The following TRPC5 variants were observed in gnomAD, a reference collection of about 807,000 sequenced individuals.
The protein encoded by TRPC5 is transient receptor potential cation channel subfamily C member 5, also known as short transient receptor potential channel 5.
In TRPC5, 9 loss-of-function variants were observed where a neutral mutation model predicts 56.5. The observed-to-expected ratio is 0.16, with a 90% CI of 0.10 to 0.28. TRPC5 has a LOEUF of 0.28. TRPC5 is among the 10% of genes least tolerant of loss of function. The pLI is 1.00. For missense variants in TRPC5, 469 were observed against 748.9 expected, an observed-to-expected ratio of 0.63 and a Z score of 4.36; for synonymous variants, 282 against 278.5, an observed-to-expected ratio of 1.01 and a Z score of -0.13.
At chrX:111,784,882 T>C (rs1006035239) in intron 7 of TRPC5, among the ~76,000 whole-genome samples, 3 of 112,385 alleles carry the variant, frequency 2.7e-5, no homozygotes, top group Middle Eastern at 4.6e-3. Context: ...GGGTCCACCA[T>C]TGAGGCTTGA....
intron 3 of TRPC5, among the ~76,000 whole-genome samples, chrX:111,867,585 C>G (rs1158821067): frequency 2.7e-5 from 3 of 111,925 alleles, no homozygotes; most frequent in Non-Finnish European, 5.6e-5. Context: ...ATCAGTGACT[C>G]AGCCTTCTTA....
chrX:111,966,448 A>G (rs1927581154), intron 1 of TRPC5, among the ~76,000 whole-genome samples: 1 of 112,087 alleles, frequency 8.9e-6, no homozygotes, highest in African/African-American at 3.2e-5. Context: ...CAATCAATCG[A>G]AAAAGAGGGA....
intron 1 of TRPC5, among the ~76,000 whole-genome samples, chrX:112,028,372 C>T (rs983579843): frequency 9.0e-6 from 1 of 111,001 alleles, no homozygotes; most frequent in Non-Finnish European, 1.9e-5. Flanking sequence ...GTTTGCTGCA[C>T]GCATCAACTC....
intron 3 of TRPC5, among the ~76,000 whole-genome samples, chrX:111,893,079 G>GT (rs79584045): frequency 0.041 from 3,623 of 87,998 alleles, 182 homozygotes; most frequent in African/African-American, 0.13. Flanking sequence ...CAAATATAGG[G>GT]TTTTTTTTTT....
intron 2 of TRPC5, among the ~76,000 whole-genome samples, chrX:111,935,479 T>C (rs2148630010): frequency 8.9e-6 from 1 of 112,143 alleles, no homozygotes; most frequent in African/African-American, 3.2e-5. Flanking sequence ...TGTCATGTGA[T>C]CCAATTTGTC....
chrX:111,824,982 C>G (rs886530115), intron 7 of TRPC5, among the ~76,000 whole-genome samples: 6 of 111,117 alleles, frequency 5.4e-5, no homozygotes, highest in African/African-American at 2.0e-4. Context: ...CAAATTTGAC[C>G]AATTCTTCAA....
intron 1 of TRPC5, among the ~76,000 whole-genome samples, chrX:112,077,055 G>A (rs945163615): frequency 9.0e-6 from 1 of 111,147 alleles, no homozygotes; most frequent in Non-Finnish European, 1.9e-5. Context: ...TGCATTATAC[G>A]GTCTTATTTA....
At chrX:111,939,486 A>C (rs758934467) in intron 2 of TRPC5, among the ~76,000 whole-genome samples, 1 of 111,706 alleles carries the variant, frequency 9.0e-6, no homozygotes, top group South Asian at 3.7e-4. Context: ...TCTTCTTCAA[A>C]TGTTTGGTAA....
rs147359705 is a variant in TRPC5 at position 111,958,257 on chromosome X, C to A, written c.-21-5816G>T. 4.8e-3 allele frequency among the ~76,000 whole-genome samples: 543 copies of A among 112,168 alleles called. 5 individuals are homozygous for A. The highest frequency in any genetic ancestry group is 0.016 in the African/African-American group (510 of 30,944). On this transcript the variant is annotated intron_variant, in intron 1 of 10. Coordinates refer to ENST00000262839, the MANE Select transcript of TRPC5 (RefSeq NM_012471.3). ...CAAGACCACGCTTTCAAGCCCCACA[C>A]ATGTCATTCTACATCTCACTATCCT...
At chrX:111,868,737 A>G (rs149761156) in intron 3 of TRPC5, among the ~76,000 whole-genome samples, 1,222 of 111,846 alleles carry the variant, frequency 0.011, 25 homozygotes, top group African/African-American at 0.038. Context: ...GAAGGTGAGG[A>G]TCAGGAAGAA....
At chrX:111,879,415 GCTGAA>G (rs767097781) in intron 3 of TRPC5, among the ~76,000 whole-genome samples, 1 of 112,071 alleles carries the variant, frequency 8.9e-6, no homozygotes, top group Non-Finnish European at 1.9e-5. Context: ...TGTGGGTTAA[GCTGAA>G]CTAGGAGTGA....
intron 2 of TRPC5, among the ~76,000 whole-genome samples, chrX:111,943,268 T>G (rs1403559627): frequency 8.9e-6 from 1 of 112,061 alleles, no homozygotes; most frequent in African/African-American, 3.2e-5. Context: ...GGATGACTTT[T>G]ATAATTTTCT....
At chrX:112,035,648 T>C (rs184009838) in intron 1 of TRPC5, among the ~76,000 whole-genome samples, 1 of 109,994 alleles carries the variant, frequency 9.1e-6, no homozygotes, top group African/African-American at 3.3e-5. Context: ...TATTTATTTT[T>C]TGAGATGGAG....
At chrX:111,952,581 G>C (rs1927123918) in intron 1 of TRPC5, 140 bp from the exon 2 acceptor site, 8 of 624,711 alleles carry the variant, frequency 1.3e-5, no homozygotes, top group Non-Finnish European at 1.9e-5. Flanking sequence ...CGCTTACAAA[G>C]AAGTATAACA....
intron 7 of TRPC5, among the ~76,000 whole-genome samples, chrX:111,804,378 A>G (rs1921424691): frequency 1.8e-5 from 2 of 111,622 alleles, no homozygotes; most frequent in African/African-American, 3.3e-5. Context: ...TTTTTTTCCA[A>G]TTCTGTGAAG....
At chrX:111,930,752 T>C (rs1303240281) in intron 2 of TRPC5, 2 of 111,653 alleles carry the variant, frequency 1.8e-5, no homozygotes, top group Non-Finnish European at 3.8e-5. Flanking sequence ...TATTTATTCA[T>C]GCCCAGGATC....
At chrX:111,885,472 T>C (rs1276489394) in intron 3 of TRPC5, among the ~76,000 whole-genome samples, 1 of 110,212 alleles carries the variant, frequency 9.1e-6, no homozygotes, top group Non-Finnish European at 1.9e-5. Flanking sequence ...TATTTAGCAT[T>C]GAAAACTCTG....
intron 2 of TRPC5, among the ~76,000 whole-genome samples, chrX:111,928,082 A>G (rs1394452019): frequency 9.0e-6 from 1 of 111,405 alleles, no homozygotes; most frequent in African/African-American, 3.3e-5. Flanking sequence ...TAGCACAGAC[A>G]TCTTAATGTG....
chrX:111,956,215 T>A (rs1927231802), intron 1 of TRPC5, among the ~76,000 whole-genome samples: 1 of 112,530 alleles, frequency 8.9e-6, no homozygotes, highest in Non-Finnish European at 1.9e-5. Context: ...GCTTTCTACC[T>A]AACTAAGAAA....
Sources: gnomAD v4.1 joint callset for allele counts (sites outside exome capture counted in the v4.1 genomes callset) on GRCh38, gnomAD v4.1.1 for gene constraint, MANE v1.5 for transcripts, NCBI Gene and HGNC (gene_info 2026-07-23, HGNC 2026-07-21) for gene names.